Variants in RRP15 observed in about 807,000 individuals in gnomAD.
The protein encoded by RRP15 is ribosomal RNA processing 15 homolog, also known as RRP15-like protein.
A neutral mutation model predicts 27.1 loss-of-function variants in RRP15; 18 were observed. That is an observed-to-expected ratio of 0.66 (90% CI 0.46 to 0.98). The LOEUF is 0.98. Ranked by LOEUF, RRP15 falls within the 50% of genes least tolerant of loss-of-function variation. RRP15 has a pLI of 0.00. For synonymous variants in RRP15, 107 were observed against 109.4 expected (o/e 0.98, Z 0.14); for missense variants, 359 against 337.8 (o/e 1.06, Z -0.49).
chr1:218,294,862 C>A (rs1342209487), intron 1 of RRP15, among the ~76,000 whole-genome samples: 1 of 152,108 alleles, frequency 6.6e-6, no homozygotes, highest in Non-Finnish European at 1.5e-5. Flanking sequence ...CATTAGCATA[C>A]AAGAAGATAC....
chr1:218,335,055 TA>T lies in RRP15; in HGVS notation c.*3968del, dbSNP rs1163185366. On this transcript the variant is annotated 3_prime_UTR_variant, in exon 5 of 5. Coordinates refer to ENST00000366932, the MANE Select transcript of RRP15 (RefSeq NM_016052.4). ...TTTAGAATTGTGATTAATGTTTTAA[TA>T]AAATGCTAAGTTAGAATGAATAATC... 6.6e-6 allele frequency: 1 copy of T among 152,226 alleles called. No individual in the cohort carries two copies. Among genetic ancestry groups the T allele is most frequent in the Non-Finnish European group, 1.5e-5 (1 of 68,042 alleles). 9.4% of individuals were successfully genotyped at this position (152,226 alleles called of 1,614,324 possible). A position where few individuals can be genotyped will look rare whatever the true frequency, so the allele number is the denominator to read the frequency against.
At position 218,307,182 on chromosome 1, in the gene RRP15, A is replaced by G. The variant is rs920831500; in HGVS notation, c.504-249A>G. Among the ~76,000 whole-genome samples, 3 of 152,234 alleles carry G rather than the reference A, an allele frequency of 2.0e-5. No individual in the cohort carries two copies. The East Asian group carries it at 5.8e-4, about 29-fold the overall frequency. On this transcript the variant is annotated intron_variant, in intron 3 of 4. Transcript: ENST00000366932. ...TCCAGAAAAATCTTTCTTGGAGTGA[A>G]GCACAAAGTTATGTACCAATCCACA...
intron 1 of RRP15, among the ~76,000 whole-genome samples, chr1:218,291,528 C>CTTTTT (rs776529360): frequency 7.6e-5 from 8 of 104,934 alleles, no homozygotes; most frequent in African/African-American, 1.8e-4. Context: ...TTGAATTTTC[C>CTTTTT]TTTTTTTTTT....
intron 1 of RRP15, among the ~76,000 whole-genome samples, chr1:218,289,621 A>G (rs1655602590): frequency 6.6e-6 from 1 of 152,044 alleles, no homozygotes. Flanking sequence ...TTGCTTCCAT[A>G]TCTATTTGGT....
intron 4 of RRP15, among the ~76,000 whole-genome samples, chr1:218,321,706 C>T (rs11118082): frequency 0.11 from 17,314 of 152,064 alleles, 2,154 homozygotes; most frequent in African/African-American, 0.31. Context: ...TGCTACTTCT[C>T]TTTTACAAAC....
chr1:218,291,344 C>T (rs538570370), intron 1 of RRP15, among the ~76,000 whole-genome samples: 1 of 151,636 alleles, frequency 6.6e-6, no homozygotes, highest in Non-Finnish European at 1.5e-5. Flanking sequence ...ACTTGTGAGG[C>T]TAAGGCATAA....
intron 1 of RRP15, among the ~76,000 whole-genome samples, chr1:218,300,548 G>C (rs1655796845): frequency 6.6e-6 from 1 of 152,182 alleles, no homozygotes; most frequent in Admixed American, 6.5e-5. Flanking sequence ...TTAAAGTCAA[G>C]AGAGTAGAGG....
At chr1:218,303,400 G>T (rs1655844355) in intron 2 of RRP15, among the ~76,000 whole-genome samples, 1 of 151,980 alleles carries the variant, frequency 6.6e-6, no homozygotes, top group South Asian at 2.1e-4. Context: ...TGTTTTCTTT[G>T]TTCTTAATAC....
chr1:218,289,554 A>C (rs1437056931), intron 1 of RRP15, among the ~76,000 whole-genome samples: 1 of 152,246 alleles, frequency 6.6e-6, no homozygotes, highest in Non-Finnish European at 1.5e-5. Flanking sequence ...TAAGAAAGAC[A>C]CTGCCATCTA....
At chr1:218,321,052 A>G (rs370868935) in intron 4 of RRP15, among the ~76,000 whole-genome samples, 1 of 152,170 alleles carries the variant, frequency 6.6e-6, no homozygotes, top group Admixed American at 6.5e-5. Flanking sequence ...GAAGTTAACC[A>G]TCTCATTGGT....
intron 4 of RRP15, among the ~76,000 whole-genome samples, chr1:218,308,850 G>A (rs1250863999): frequency 6.6e-6 from 1 of 152,194 alleles, no homozygotes; most frequent in East Asian, 1.9e-4. Flanking sequence ...GCTTTAATAG[G>A]CTGTATTCTC....
intron 4 of RRP15, among the ~76,000 whole-genome samples, chr1:218,329,294 C>G (rs1049873182): frequency 1.4e-5 from 2 of 147,068 alleles, no homozygotes; most frequent in African/African-American, 5.0e-5. Flanking sequence ...ATGGTGTGCA[C>G]CTGTAGTCCC....
intron 4 of RRP15, among the ~76,000 whole-genome samples, chr1:218,311,842 T>C (rs1310346009): frequency 2.0e-5 from 3 of 152,256 alleles, no homozygotes; most frequent in Non-Finnish European, 4.4e-5. Context: ...AAAAGGGTTT[T>C]TGCAGATGCA....
chr1:218,310,093 A>G (rs958325685), intron 4 of RRP15, among the ~76,000 whole-genome samples: 5 of 152,228 alleles, frequency 3.3e-5, no homozygotes, highest in African/African-American at 1.2e-4. Flanking sequence ...GATGAGCTAA[A>G]TAAAGGAAGA....
At chr1:218,330,692 T>G (rs1379896371) in intron 4 of RRP15, among the ~76,000 whole-genome samples, 1 of 152,136 alleles carries the variant, frequency 6.6e-6, no homozygotes, top group Non-Finnish European at 1.5e-5. Context: ...TCAAAAAAAT[T>G]TTTTTATTTT....
chr1:218,312,582 T>A (rs1055106374), intron 4 of RRP15, among the ~76,000 whole-genome samples: 2 of 152,136 alleles, frequency 1.3e-5, no homozygotes, highest in African/African-American at 4.8e-5. Flanking sequence ...ATGAATCAGA[T>A]CACCACATAT....
chr1:218,291,828 C>T (rs1355278450), intron 1 of RRP15, among the ~76,000 whole-genome samples: 2 of 151,502 alleles, frequency 1.3e-5, no homozygotes, highest in Non-Finnish European at 2.9e-5. Context: ...CCGCGGCTGG[C>T]CCCCCACTCC....
At chr1:218,305,930 C>A (rs1655892529) in intron 3 of RRP15, among the ~76,000 whole-genome samples, 1 of 152,032 alleles carries the variant, frequency 6.6e-6, no homozygotes, top group Admixed American at 6.6e-5. Context: ...GGGCATGCTA[C>A]TTGATTTCTT....
chr1:218,295,362 C>G (rs1655703308), intron 1 of RRP15, among the ~76,000 whole-genome samples: 1 of 152,112 alleles, frequency 6.6e-6, no homozygotes, highest in South Asian at 2.1e-4. Flanking sequence ...AAAAAAGAAG[C>G]CTTGATTGTT....
Sources: gnomAD v4.1 joint callset for allele counts (sites outside exome capture counted in the v4.1 genomes callset) on GRCh38, gnomAD v4.1.1 for gene constraint, MANE v1.5 for transcripts, NCBI Gene and HGNC (gene_info 2026-07-23, HGNC 2026-07-21) for gene names.